The following CYP7A1 variants were observed in gnomAD, a reference collection of about 807,000 sequenced individuals.
CYP7A1 encodes the protein cytochrome P450 family 7 subfamily A member 1, also known as cytochrome P450 7A1.
CYP7A1 carries 28 observed loss-of-function variants against 43.8 expected under a neutral mutation model. The ratio of observed to expected loss-of-function variants is 0.64; its 90% confidence interval spans 0.47 to 0.88. The LOEUF (loss-of-function observed/expected upper bound fraction) is 0.88, where lower values mean the gene tolerates loss of function less well. CYP7A1 is among the 40% of genes least tolerant of loss of function. The pLI is 0.00. For missense variants in CYP7A1, 637 were observed against 611.9 expected (o/e 1.04, Z -0.43); for synonymous variants, 227 against 222.5 (o/e 1.02, Z -0.18).
rs1422470026 is a variant in CYP7A1, at chr8:58,491,155, GA to G, written c.*319del. ...TGGCTGTAATGTGTATCTTCATTTTGAAAAAAAATAAAATAAAGGTGTTTTC... is the reference window on the plus strand; with the variant it reads ...TGGCTGTAATGTGTATCTTCATTTTGAAAAAAATAAAATAAAGGTGTTTTC... On this transcript the variant is annotated 3_prime_UTR_variant, in exon 6 of 6. Transcript: ENST00000301645. 11 of 312,560 alleles carry G rather than the reference GA, an allele frequency of 3.5e-5. No homozygotes were observed. Among genetic ancestry groups the G allele is most frequent in the South Asian group, 8.9e-5 (2 of 22,556 alleles). The allele number at this position is 312,560 out of a possible 1,614,324, so 19.4% of individuals were successfully genotyped here.
At position 58,491,402 on chromosome 8, in the gene CYP7A1, A is replaced by C; in HGVS notation, c.*73T>G. On this transcript the variant is annotated 3_prime_UTR_variant, in exon 6 of 6. Coordinates refer to ENST00000301645, the MANE Select transcript of CYP7A1 (RefSeq NM_000780.4). The stretch of plus-strand genomic sequence containing the variant: ...CTACCACCACTAAATGCATTTGTCC[A>C]AAGGGACTGTGTGGTGAGGGTGTTC... 7.3e-7 allele frequency: 1 copy of C among 1,376,006 alleles called. No homozygotes were observed. The highest frequency in any genetic ancestry group is 1.0e-6 in the Non-Finnish European group (1 of 976,532). The allele number at this position is 1,376,006 out of a possible 1,614,324, so 85.2% of individuals were successfully genotyped here. A position where few individuals can be genotyped will look rare whatever the true frequency, so the allele number is the denominator to read the frequency against.
In CYP7A1 at chr8:58,496,706, G is replaced by A. The variant is rs565488904; in HGVS notation, c.806C>T (p.Thr269Ile). ...LRMFLNDTLS[T>I]FDDLEKAKTH... ...CTTGGCCTTCTCCAGATCATCAAAG[G>A]TGGACAAAGTGTCATTGAGAAACAT... is the stretch of plus-strand genomic sequence containing the variant. Residue 269 changes from threonine to isoleucine, a missense_variant, in exon 3 of 6, where the codon ACC becomes ATC. Coordinates refer to ENST00000301645, the MANE Select transcript of CYP7A1 (RefSeq NM_000780.4). 6.2e-7 allele frequency: 1 copy of A among 1,614,198 alleles called. No homozygotes were observed. The highest frequency in any genetic ancestry group is 1.1e-5 in the South Asian group (1 of 91,092).
intron 5 of CYP7A1, among the ~76,000 whole-genome samples, chr8:58,491,983 C>T (rs1809359349): frequency 6.6e-6 from 1 of 152,064 alleles, no homozygotes; most frequent in African/African-American, 2.4e-5. Context: ...CCTGCTTGAA[C>T]GATTAGTTCC....
intron 4 of CYP7A1, among the ~76,000 whole-genome samples, chr8:58,493,727 C>T (rs960321197): frequency 2.6e-5 from 4 of 152,232 alleles, no homozygotes; most frequent in South Asian, 4.1e-4. Flanking sequence ...TGGCCGGGTG[C>T]GGTGGCTCAT....
chr8:58,490,778 T>C lies in CYP7A1; in HGVS notation c.*697A>G, dbSNP rs1318534838. On this transcript the variant is annotated 3_prime_UTR_variant, in exon 6 of 6. Transcript: ENST00000301645. ...TGTTTAAAGCCCTGAATTTTGGATA[T>C]AGAAGAAGTTGAAAAATATTTCCTT... 6.6e-6 allele frequency: 1 copy of C among 152,202 alleles called. No individual in the cohort carries two copies. The highest frequency in any genetic ancestry group is 1.5e-5 in the Non-Finnish European group (1 of 68,036). 9.4% of individuals were successfully genotyped at this position (152,202 alleles called of 1,614,324 possible).
chr8:58,490,549 A>AT lies in CYP7A1; in HGVS notation c.*925dup, dbSNP rs879916345. 6.6e-6 allele frequency: 1 copy of AT among 152,230 alleles called. No homozygotes were observed. The highest frequency in any genetic ancestry group is 1.5e-5 in the Non-Finnish European group (1 of 68,026). 9.4% of individuals were successfully genotyped at this position (152,230 alleles called of 1,614,324 possible). A position where few individuals can be genotyped will look rare whatever the true frequency, so the allele number is the denominator to read the frequency against. On this transcript the variant is annotated 3_prime_UTR_variant, in exon 6 of 6. Coordinates refer to ENST00000301645, the MANE Select transcript of CYP7A1 (RefSeq NM_000780.4). ...TTAAAACATATCACATAAAAGCTAC[A>AT]TTTTTTCAGTGATAATGTGTATTTA...
At position 58,496,856 on chromosome 8, in the gene CYP7A1, A is replaced by T; in HGVS notation, c.656T>A (p.Leu219Gln). 1 of 1,614,214 alleles carries T rather than the reference A, an allele frequency of 6.2e-7. No individual in the cohort carries two copies. Among genetic ancestry groups the T allele is most frequent in the Non-Finnish European group, 8.5e-7 (1 of 1,180,026 alleles). ...CATGTGAATGGGGAGGCCTGCTACC[A>T]GGGCTGGAAAGACTTTGTCGAATTG... Reference protein sequence around the residue: ...FKQFDKVFPALVAGLPIHMFR... With the variant: ...FKQFDKVFPAQVAGLPIHMFR... Residue 219 changes from leucine to glutamine, a missense_variant, in exon 3 of 6, where the codon CTG (leucine) becomes CAG (glutamine). Leu to Gln is a moderately radical substitution (Grantham distance 113, BLOSUM62 -2). Coordinates refer to ENST00000301645, the MANE Select transcript of CYP7A1 (RefSeq NM_000780.4).
Position 58,491,107 on chromosome 8 carries a change from C to A in CYP7A1, c.*368G>T, listed in dbSNP as rs1348725096. 4.0e-6 allele frequency: 1 copy of A among 248,176 alleles called. No individual in the cohort carries two copies. Among genetic ancestry groups the A allele is most frequent in the Non-Finnish European group, 7.9e-6 (1 of 126,542 alleles). The allele number at this position is 248,176 out of a possible 1,614,324, so 15.4% of individuals were successfully genotyped here. Reference sequence around the variant, plus strand: ...TCTTTGGCCTCTCGAGTAGCTAAGACTACAGGTGCCTGCTACCACACCTGG... The same window carrying A: ...TCTTTGGCCTCTCGAGTAGCTAAGAATACAGGTGCCTGCTACCACACCTGG... On this transcript the variant is annotated 3_prime_UTR_variant, in exon 6 of 6. Transcript: ENST00000301645.
Position 58,491,645 on chromosome 8 carries a change from A to G in CYP7A1, c.1345T>C (p.Phe449Leu). ...AATTGCTTGATTTCGTGGATAGCGA[A>G]CAATCTTCCAGGACATATTGTAGCT... Reference protein sequence around the residue: ...SGATICPGRLFAIHEIKQFLI... With the variant: ...SGATICPGRLLAIHEIKQFLI... The change falls in exon 6 of 6, where the codon TTC becomes CTC. Residue 449 changes from phenylalanine (F) to leucine (L), a missense_variant. Coordinates refer to ENST00000301645, the MANE Select transcript of CYP7A1 (RefSeq NM_000780.4). 6.2e-7 allele frequency: 1 copy of G among 1,614,232 alleles called. No homozygotes were observed. Among genetic ancestry groups the G allele is most frequent in the Non-Finnish European group, 8.5e-7 (1 of 1,180,038 alleles).
intron 2 of CYP7A1, 89 bp from the exon 3 acceptor site, chr8:58,497,279 T>C: frequency 9.1e-7 from 1 of 1,100,264 alleles, no homozygotes; most frequent in South Asian, 1.3e-5. Context: ...ACTTTCATAG[T>C]TCCTTACTTG....
chr8:58,495,976 G>C (rs1451796660), intron 3 of CYP7A1, among the ~76,000 whole-genome samples: 1 of 152,202 alleles, frequency 6.6e-6, no homozygotes, highest in Non-Finnish European at 1.5e-5. Context: ...ACACTTTGGA[G>C]AGAAATCATG....
chr8:58,492,654 A>C, intron 4 of CYP7A1, 126 bp from the exon 5 acceptor site: 1 of 761,888 alleles, frequency 1.3e-6, no homozygotes, highest in South Asian at 1.6e-5. Flanking sequence ...CTGGCAGTGC[A>C]TAACACAAAG....
chr8:58,492,449 G>A lies in CYP7A1; in HGVS notation c.1119C>T (p.His373=). Residue 373 remains histidine, a synonymous_variant, in exon 5 of 6, where the codon CAC becomes CAT. Coordinates refer to ENST00000301645, the MANE Select transcript of CYP7A1 (RefSeq NM_000780.4). ...IRTAKEDFTL[H]LEDGSYNIRK... is the part of the protein sequence containing the mutation. ...GGATGTTGTAGGAACCGTCCTCAAG[G>A]TGCAAAGTGAAATCCTCCTTAGCTG... The A allele has an allele frequency of 8.1e-6, 13 of 1,614,024 alleles. No homozygotes were observed. Among genetic ancestry groups the A allele is most frequent in the Non-Finnish European group, 1.1e-5 (13 of 1,179,886 alleles).
chr8:58,497,008 T>G lies in CYP7A1; in HGVS notation c.504A>C (p.Thr168=). ...GGTAGCAGAAAGAATACATCCCTTC[T>G]GTCACCCAGGCAGCGGTCTTTGAGT... The part of the protein sequence containing the change: ...SSNSKTAAWV[T]EGMYSFCYRV... Residue 168 remains threonine (T), a synonymous_variant, in exon 3 of 6, where the codon ACA becomes ACC. Transcript: ENST00000301645. 1 of 1,613,262 alleles carries G rather than the reference T, an allele frequency of 6.2e-7. No homozygotes were observed. Among genetic ancestry groups the G allele is most frequent in the Non-Finnish European group, 8.5e-7 (1 of 1,180,024 alleles).
At chr8:58,496,513 G>A (rs922273358) in intron 3 of CYP7A1, 91 bp downstream of exon 3, 3 of 970,894 alleles carry the variant, frequency 3.1e-6, no homozygotes, top group African/African-American at 1.6e-5. Flanking sequence ...GCATGATAAA[G>A]TACTACGAGG....
Position 58,498,340 on chromosome 8 carries a change from T to C in CYP7A1, c.210A>G (p.Lys70=). ...TGAAATGGACATATTTTCCCATTAGTTTGCAGGTAAAAACATGACCATGTT... is the reference window on the plus strand; with the variant it reads ...TGAAATGGACATATTTTCCCATTAGCTTGCAGGTAAAAACATGACCATGTT... The part of the protein sequence containing the change: ...QRKHGHVFTC[K]LMGKYVHFIT... The change falls in exon 2 of 6, where the codon AAA becomes AAG. Residue 70 remains lysine, a synonymous_variant. Coordinates refer to ENST00000301645, the MANE Select transcript of CYP7A1 (RefSeq NM_000780.4). 1.2e-6 allele frequency: 2 copies of C among 1,614,170 alleles called. No individual in the cohort carries two copies. Among genetic ancestry groups the C allele is most frequent in the East Asian group, 4.5e-5 (2 of 44,880 alleles).
In CYP7A1 at chr8:58,498,450, G is replaced by A. The variant is rs1295805340; in HGVS notation, c.100C>T (p.Leu34=). The change falls in exon 2 of 6, where the codon CTA becomes TTA. Residue 34 remains leucine, a synonymous_variant. Coordinates refer to ENST00000301645, the MANE Select transcript of CYP7A1 (RefSeq NM_000780.4). ...AGGTATGGAATTAATCCATTCTCTA[G>A]AGGTGGTTCACCCGTTTGCCTGTCA... The part of the protein sequence containing the change: ...IRRRQTGEPP[L]ENGLIPYLGC... The A allele has an allele frequency of 6.2e-7, 1 of 1,614,094 alleles. No individual in the cohort carries two copies. Among genetic ancestry groups the A allele is most frequent in the Non-Finnish European group, 8.5e-7 (1 of 1,179,970 alleles).
In CYP7A1 at chr8:58,496,635, C is replaced by G; in HGVS notation, c.877G>C (p.Ala293Pro). The G allele has an allele frequency of 2.5e-6, 4 of 1,614,068 alleles. No individual in the cohort carries two copies. Among genetic ancestry groups the G allele is most frequent in the Non-Finnish European group, 3.4e-6 (4 of 1,179,978 alleles). ...ATTTGAAATAAACTCCAGAAAGTCG[C>G]TGGAATGGTGTTTGCTTGCGATGCC... ...LWASQANTIP[A>P]TFWSLFQMIR... is the part of the protein sequence containing the mutation. The change falls in exon 3 of 6, where the codon GCG becomes CCG. Residue 293 changes from alanine (A) to proline (P), a missense_variant. By Grantham distance (27) the Ala-to-Pro change is conservative (BLOSUM62 -1). Coordinates refer to ENST00000301645, the MANE Select transcript of CYP7A1 (RefSeq NM_000780.4).
intron 4 of CYP7A1, among the ~76,000 whole-genome samples, chr8:58,493,708 T>C (rs1809393522): frequency 6.6e-6 from 1 of 152,054 alleles, no homozygotes; most frequent in South Asian, 2.1e-4. Flanking sequence ...TATAAACATA[T>C]CATATTGTTG....
Sources: allele counts gnomAD v4.1 joint callset (sites outside exome capture counted in the v4.1 genomes callset), GRCh38; gene constraint gnomAD v4.1.1; transcripts MANE v1.5; gene names NCBI Gene and HGNC (gene_info 2026-07-23, HGNC 2026-07-21).